Variants in CNKSR2 observed in about 807,000 individuals in gnomAD.
CNKSR2 encodes CNK homolog protein 2.
Under a neutral mutation model 84.4 loss-of-function variants are expected in CNKSR2, and 14 were observed. The ratio of observed to expected loss-of-function variants is 0.17; its 90% confidence interval spans 0.11 to 0.26. The LOEUF is 0.26. Among genes scored for constraint, CNKSR2 ranks in the 10% least tolerant of loss-of-function variants. The pLI is 1.00. For missense variants in CNKSR2, 485 were observed against 771.2 expected, an observed-to-expected ratio of 0.63 and a Z score of 4.40; for synonymous variants, 275 against 277.9, an observed-to-expected ratio of 0.99 and a Z score of 0.10.
rs776952328 is a variant in CNKSR2, at chrX:21,406,887, A to G, written c.65-19610A>G. 1.1e-4 allele frequency among the ~76,000 whole-genome samples: 12 copies of G among 112,230 alleles called. No individual in the cohort carries two copies. In the East Asian group the frequency reaches 3.3e-3, roughly 31 times the overall value. The stretch of plus-strand genomic sequence containing the variant: ...GTACATATTTAAAGGAAATATTTTT[A>G]TTTCGTTAGCTAATGTAAGTCCTGT... On this transcript the variant is annotated intron_variant, in intron 1 of 21. Coordinates refer to ENST00000379510, the MANE Select transcript of CNKSR2 (RefSeq NM_014927.5).
At chrX:21,463,849 T>G (rs184721168) in intron 4 of CNKSR2, among the ~76,000 whole-genome samples, 1 of 111,225 alleles carries the variant, frequency 9.0e-6, no homozygotes. Flanking sequence ...TCCCCACTCT[T>G]CCATTTCCTC....
rs146789908 is a variant in CNKSR2, at chrX:21,485,920, A to C, written c.562-4539A>C. Among the ~76,000 whole-genome samples, 57 of 111,778 alleles carry C rather than the reference A, an allele frequency of 5.1e-4. No homozygotes were observed. In the East Asian group the frequency reaches 0.015, roughly 30 times the overall value. On this transcript the variant is annotated intron_variant, in intron 5 of 21. Transcript: ENST00000379510. Reference sequence around the variant, plus strand: ...GAGGCCGAAGTAGGTGGATTACCTAAGGTCAGGAGTTAAAGACCAGCCTGA... The same window carrying C: ...GAGGCCGAAGTAGGTGGATTACCTACGGTCAGGAGTTAAAGACCAGCCTGA...
At chrX:21,451,243 T>C (rs1475758231) in intron 4 of CNKSR2, among the ~76,000 whole-genome samples, 1 of 111,607 alleles carries the variant, frequency 9.0e-6, no homozygotes, top group South Asian at 3.7e-4. Flanking sequence ...TCTGAAAATA[T>C]TAACAATCTA....
chrX:21,484,066 C>G (rs2091352952), intron 5 of CNKSR2, among the ~76,000 whole-genome samples: 1 of 111,777 alleles, frequency 8.9e-6, no homozygotes, highest in African/African-American at 3.3e-5. Context: ...CCGAGGCAGG[C>G]AAATCACGAG....
chrX:21,601,259 G>A lies in CNKSR2; in HGVS notation c.1977-23G>A, dbSNP rs112051685. ...TAAGAAATTAGGTTACAATGTTATT[G>A]ATTTTAATATTTGTTTTCTCAGGTG... On this transcript the variant is annotated intron_variant, in intron 17 of 21. Coordinates refer to ENST00000379510, the MANE Select transcript of CNKSR2 (RefSeq NM_014927.5). 142 of 988,288 alleles carry A rather than the reference G, an allele frequency of 1.4e-4. 5 individuals are homozygous for A. Among genetic ancestry groups the A allele is most frequent in the African/African-American group, 1.2e-3 (63 of 52,532 alleles). The allele number at this position is 988,288 out of a possible 1,213,427, so 81.4% of individuals were successfully genotyped here.
intron 1 of CNKSR2, among the ~76,000 whole-genome samples, chrX:21,387,651 C>T (rs2089988390): frequency 9.0e-6 from 1 of 111,152 alleles, no homozygotes; most frequent in African/African-American, 3.3e-5. Flanking sequence ...AAATCAGGTG[C>T]ACACATTGTA....
intron 1 of CNKSR2, among the ~76,000 whole-genome samples, chrX:21,381,985 T>C (rs1292337553): frequency 6.3e-5 from 7 of 111,567 alleles, no homozygotes; most frequent in Non-Finnish European, 1.3e-4. Context: ...CCCCACTAGA[T>C]GAGTGCAGGG....
rs3217648 is a variant in CNKSR2 at position 21,374,594 on chromosome X, G to GGCAGCAGCAGCAGCAGCAGCAGCAGCA, written c.-292_-266dup. 1.1e-5 allele frequency: 5 copies of GGCAGCAGCAGCAGCAGCAGCAGCAGCA among 456,301 alleles called. No individual in the cohort carries two copies. Among genetic ancestry groups the GGCAGCAGCAGCAGCAGCAGCAGCAGCA allele is most frequent in the Middle Eastern group, 5.9e-4 (1 of 1,698 alleles). 37.6% of individuals were successfully genotyped at this position (456,301 alleles called of 1,213,427 possible). On this transcript the variant is annotated 5_prime_UTR_variant, in exon 1 of 22. Coordinates refer to ENST00000379510, the MANE Select transcript of CNKSR2 (RefSeq NM_014927.5). ...ACGGAGACCGGAGCGGAGCGGCGGA[G>GGCAGCAGCAGCAGCAGCAGCAGCAGCA]GCAGCAGCAGCAGCAGCAGCAGCAG... is the stretch of plus-strand genomic sequence containing the variant.
At chrX:21,585,424 G>A (rs1039524409) in intron 13 of CNKSR2, among the ~76,000 whole-genome samples, 4 of 107,915 alleles carry the variant, frequency 3.7e-5, no homozygotes, top group Non-Finnish European at 5.7e-5. Flanking sequence ...AATAGAGCTG[G>A]TGAGAAAAAG....
In CNKSR2 at chrX:21,595,208, A is replaced by G. The variant is rs975231539; in HGVS notation, c.1905-116A>G. The G allele has an allele frequency of 6.1e-6, 4 of 660,735 alleles. No individual in the cohort carries two copies. In the African/African-American group the frequency reaches 6.6e-5, roughly 11 times the overall value. The allele number at this position is 660,735 out of a possible 1,213,427, so 54.5% of individuals were successfully genotyped here. On this transcript the variant is annotated intron_variant, in intron 16 of 21. Transcript: ENST00000379510. ...TTTTACTGATTTCTGTCACCATGAT[A>G]GAAGCATTATATATGTGAACTCGGG...
intron 10 of CNKSR2, among the ~76,000 whole-genome samples, chrX:21,527,323 C>T (rs1601904308): frequency 9.2e-6 from 1 of 108,251 alleles, no homozygotes; most frequent in Non-Finnish European, 1.9e-5. Context: ...CTAAAAAGCC[C>T]CAGAAAATTT....
At position 21,505,543 on chromosome X, in the gene CNKSR2, G is replaced by C. The variant is rs757265050; in HGVS notation, c.810+3955G>C. On this transcript the variant is annotated intron_variant, in intron 8 of 21. Coordinates refer to ENST00000379510, the MANE Select transcript of CNKSR2 (RefSeq NM_014927.5). ...AGCAAGACTAAGGATGGCAGAGAGTGTGGGAGGAGGGAACAGATTGAAGGA... is the reference window on the plus strand; with the variant it reads ...AGCAAGACTAAGGATGGCAGAGAGTCTGGGAGGAGGGAACAGATTGAAGGA... 9 of 111,486 alleles carry C rather than the reference G, an allele frequency of 8.1e-5. No individual in the cohort carries two copies. In the South Asian group the frequency reaches 3.4e-3, roughly 42 times the overall value. The allele number at this position is 111,486 out of a possible 1,213,427, so 9.2% of individuals were successfully genotyped here. A position where few individuals can be genotyped will look rare whatever the true frequency, so the allele number is the denominator to read the frequency against.
In CNKSR2 at chrX:21,654,272, T is replaced by TAAAAAAAAAAAAA. The variant is rs34844138; in HGVS notation, c.*1761_*1773dup. ...TTAAATTTGTGGGATTTTGTATATG[T>TAAAAAAAAAAAAA]AAAAAAAAAAAAAAAAAAAAAACAA... On this transcript the variant is annotated 3_prime_UTR_variant, in exon 22 of 22. Transcript: ENST00000379510. 3 of 61,076 alleles carry TAAAAAAAAAAAAA rather than the reference T, an allele frequency of 4.9e-5. No individual in the cohort carries two copies. Among genetic ancestry groups the TAAAAAAAAAAAAA allele is most frequent in the African/African-American group, 1.3e-4 (2 of 15,832 alleles). The allele number at this position is 61,076 out of a possible 1,213,427, so 5.0% of individuals were successfully genotyped here. A position where few individuals can be genotyped will look rare whatever the true frequency, so the allele number is the denominator to read the frequency against.
At chrX:21,633,266 G>GTTT (rs2092656212) in intron 20 of CNKSR2, among the ~76,000 whole-genome samples, 2 of 111,251 alleles carry the variant, frequency 1.8e-5, no homozygotes, top group South Asian at 7.6e-4. Flanking sequence ...TCATGGTTGT[G>GTTT]TTTTTTACCC....
intron 20 of CNKSR2, among the ~76,000 whole-genome samples, chrX:21,625,002 C>G (rs191472095): frequency 2.7e-5 from 3 of 111,724 alleles, no homozygotes; most frequent in African/African-American, 9.7e-5. Flanking sequence ...TTCATTGTCT[C>G]TAATGAAATG....
At chrX:21,418,211 G>A (rs1281074323) in intron 1 of CNKSR2, among the ~76,000 whole-genome samples, 2 of 111,640 alleles carry the variant, frequency 1.8e-5, no homozygotes, top group Admixed American at 1.9e-4. Flanking sequence ...TTAACTTTTT[G>A]TTGTTTCTAT....
chrX:21,508,306 G>C (rs1175672289), intron 8 of CNKSR2, among the ~76,000 whole-genome samples: 2 of 112,080 alleles, frequency 1.8e-5, no homozygotes, highest in African/African-American at 6.5e-5. Context: ...CTCCAGCCTG[G>C]GCAACAGAGT....
intron 8 of CNKSR2, among the ~76,000 whole-genome samples, chrX:21,513,227 T>G (rs912502852): frequency 1.8e-5 from 2 of 111,584 alleles, no homozygotes; most frequent in African/African-American, 6.5e-5. Context: ...GAGATTATTG[T>G]AAGAAGACAG....
intron 1 of CNKSR2, among the ~76,000 whole-genome samples, chrX:21,416,138 G>T (rs1401720594): frequency 9.0e-6 from 1 of 111,219 alleles, no homozygotes; most frequent in African/African-American, 3.3e-5. Context: ...TTTTTTGGGG[G>T]TTTTTATCAT....
Sources: allele counts gnomAD v4.1 joint callset (sites outside exome capture counted in the v4.1 genomes callset), GRCh38; gene constraint gnomAD v4.1.1; transcripts MANE v1.5; gene names NCBI Gene and HGNC (gene_info 2026-07-23, HGNC 2026-07-21).